DLG2: variants seen among roughly 807,000 people sequenced by gnomAD.
DLG2 encodes discs large MAGUK scaffold protein 2, also known as disks large homolog 2.
DLG2 carries 45 observed loss-of-function variants against 132.5 expected under a neutral mutation model. The observed-to-expected ratio is 0.34, with a 90% CI of 0.27 to 0.44. The LOEUF (loss-of-function observed/expected upper bound fraction) is 0.44, where lower values mean the gene tolerates loss of function less well. DLG2 is among the 20% of genes least tolerant of loss of function. The pLI, the probability that DLG2 is intolerant of heterozygous loss-of-function variation, is 1.00. For missense variants in DLG2, 1,045 were observed against 1,196.9 expected (o/e 0.87, Z 1.87); for synonymous variants, 424 against 419.6 (o/e 1.01, Z -0.13).
intron 6 of DLG2, among the ~76,000 whole-genome samples, chr11:84,844,103 GTT>G (rs1362099763): frequency 4.9e-5 from 4 of 81,018 alleles, no homozygotes; most frequent in East Asian, 6.4e-4. Flanking sequence ...ATATATATAT[GTT>G]TGTGTGTGTG....
intron 10 of DLG2, among the ~76,000 whole-genome samples, chr11:84,093,195 T>A (rs1417474537): frequency 1.3e-5 from 2 of 152,166 alleles, no homozygotes; most frequent in African/African-American, 4.8e-5. Context: ...CAAGGCTGTA[T>A]CAAGATGTCA....
intron 7 of DLG2, among the ~76,000 whole-genome samples, chr11:84,299,350 G>A (rs974079010): frequency 7.9e-5 from 12 of 152,184 alleles, no homozygotes; most frequent in African/African-American, 2.9e-4. Context: ...GGAGGCTACA[G>A]GTTATTGCAA....
chr11:84,830,771 C>A (rs1243427705), intron 6 of DLG2, among the ~76,000 whole-genome samples: 1 of 151,410 alleles, frequency 6.6e-6, no homozygotes, highest in Non-Finnish European at 1.5e-5. Context: ...GAAAACCAAC[C>A]AAATTTAATC....
intron 3 of DLG2, among the ~76,000 whole-genome samples, chr11:85,426,356 G>C (rs1187841251): frequency 6.6e-6 from 1 of 152,182 alleles, no homozygotes; most frequent in Non-Finnish European, 1.5e-5. Flanking sequence ...CCCCTGAGTA[G>C]CCTAACTGGG....
chr11:85,002,328 T>C (rs1409661894), intron 6 of DLG2, among the ~76,000 whole-genome samples: 1 of 152,144 alleles, frequency 6.6e-6, no homozygotes, highest in Non-Finnish European at 1.5e-5. Flanking sequence ...TACAAAAATG[T>C]CAATGGCTAC....
At chr11:85,538,073 G>A (rs922009935) in intron 3 of DLG2, among the ~76,000 whole-genome samples, 22 of 151,832 alleles carry the variant, frequency 1.4e-4, no homozygotes, top group Admixed American at 3.9e-4. Flanking sequence ...CCGAGATCGC[G>A]CCACTGCACT....
chr11:85,259,299 A>C (rs1414295926), intron 4 of DLG2, among the ~76,000 whole-genome samples: 1 of 152,118 alleles, frequency 6.6e-6, no homozygotes, highest in Non-Finnish European at 1.5e-5. Context: ...TTGAAGATGC[A>C]TCTGCTTCCC....
rs2073362715 is a variant in DLG2 at position 85,115,004 on chromosome 11, C to A, written c.283-3269G>T. Among the ~76,000 whole-genome samples the A allele has an allele frequency of 1.3e-5, 2 of 151,834 alleles. 1 individual carries two copies. The highest frequency in any genetic ancestry group is 4.1e-4 in the South Asian group (2 of 4,830). ...AAATGTTTCATTAAAATAGCATGTT[C>A]TTTTGAAAGCAGAGTAAGAGCTGAA... On this transcript the variant is annotated intron_variant, in intron 5 of 27. Coordinates refer to ENST00000376104, the MANE Select transcript of DLG2 (RefSeq NM_001142699.3).
At chr11:83,761,134 G>A (rs1361647250) in intron 18 of DLG2, among the ~76,000 whole-genome samples, 1 of 152,184 alleles carries the variant, frequency 6.6e-6, no homozygotes, top group Non-Finnish European at 1.5e-5. Flanking sequence ...GTTTGGCAAA[G>A]GGACAACACT....
chr11:84,390,384 C>A (rs543069674), intron 7 of DLG2, among the ~76,000 whole-genome samples: 1 of 152,250 alleles, frequency 6.6e-6, no homozygotes, highest in East Asian at 1.9e-4. Flanking sequence ...TTGTTGAGTA[C>A]CGACTCCATG....
At chr11:85,145,675 A>T (rs1361096020) in intron 5 of DLG2, among the ~76,000 whole-genome samples, 1 of 151,926 alleles carries the variant, frequency 6.6e-6, no homozygotes, top group Non-Finnish European at 1.5e-5. Flanking sequence ...CTGCTTGATT[A>T]TTTAAAAAAT....
intron 3 of DLG2, among the ~76,000 whole-genome samples, chr11:85,474,519 A>G (rs1439330387): frequency 6.6e-6 from 1 of 151,950 alleles, no homozygotes; most frequent in Non-Finnish European, 1.5e-5. Context: ...TTAAAATACT[A>G]ACTATTTGAG....
intron 6 of DLG2, among the ~76,000 whole-genome samples, chr11:84,660,580 A>G (rs7943786): frequency 0.19 from 29,516 of 152,066 alleles, 3,725 homozygotes; most frequent in African/African-American, 0.36. Context: ...AGGGCAGTAG[A>G]GAGATGCTTT....
intron 7 of DLG2, among the ~76,000 whole-genome samples, chr11:84,392,455 G>T (rs986510025): frequency 5.3e-5 from 8 of 152,124 alleles, no homozygotes; most frequent in African/African-American, 1.9e-4. Flanking sequence ...GGTCTTAGAG[G>T]TGTAGGTTAG....
chr11:84,568,738 A>G (rs1410199542), intron 6 of DLG2, among the ~76,000 whole-genome samples: 1 of 152,164 alleles, frequency 6.6e-6, no homozygotes, highest in African/African-American at 2.4e-5. Context: ...GAAGTCACTC[A>G]GCCAACAACC....
At chr11:85,485,334 C>A (rs964584237) in intron 3 of DLG2, among the ~76,000 whole-genome samples, 3 of 151,696 alleles carry the variant, frequency 2.0e-5, no homozygotes, top group African/African-American at 7.3e-5. Context: ...CACATGTACC[C>A]TAAAACTTAA....
At chr11:83,494,168 A>G (rs1214021005) in intron 21 of DLG2, among the ~76,000 whole-genome samples, 1 of 152,058 alleles carries the variant, frequency 6.6e-6, no homozygotes, top group Non-Finnish European at 1.5e-5. Context: ...GGCAGGTATT[A>G]CAGGAACTCA....
At chr11:83,806,352 A>G (rs1026144410) in intron 17 of DLG2, among the ~76,000 whole-genome samples, 1 of 152,160 alleles carries the variant, frequency 6.6e-6, no homozygotes, top group African/African-American at 2.4e-5. Flanking sequence ...TCAGGTAACC[A>G]CTGATAATAA....
intron 6 of DLG2, among the ~76,000 whole-genome samples, chr11:84,825,444 TC>T (rs1389261050): frequency 1.3e-5 from 2 of 151,930 alleles, no homozygotes; most frequent in East Asian, 3.9e-4. Flanking sequence ...CCCTGTTTCT[TC>T]TTAAAGAGAC....
Sources: allele counts gnomAD v4.1 joint callset (sites outside exome capture counted in the v4.1 genomes callset), GRCh38; gene constraint gnomAD v4.1.1; transcripts MANE v1.5; gene names NCBI Gene and HGNC (gene_info 2026-07-23, HGNC 2026-07-21).